Variants in TNR observed in about 807,000 individuals in gnomAD.
TNR encodes the protein tenascin R, also known as tenascin-R.
Under a neutral mutation model 150.4 loss-of-function variants are expected in TNR, and 45 were observed. The observed-to-expected ratio is 0.30, with a 90% CI of 0.24 to 0.38. The LOEUF is 0.38. Ranked by LOEUF, TNR falls within the 10% of genes least tolerant of loss-of-function variation. The pLI is 1.00. For synonymous variants in TNR, 687 were observed against 678.4 expected, an observed-to-expected ratio of 1.01 and a Z score of -0.20; for missense variants, 1,544 against 1,759.1, an observed-to-expected ratio of 0.88 and a Z score of 2.19.
At chr1:175,444,255 C>A (rs537929695) in intron 2 of TNR, among the ~76,000 whole-genome samples, 1 of 152,260 alleles carries the variant, frequency 6.6e-6, no homozygotes, top group African/African-American at 2.4e-5. Context: ...GGGACCCCTG[C>A]AAGATGAGGA....
At chr1:175,353,851 AT>A (rs55981326) in intron 18 of TNR, among the ~76,000 whole-genome samples, 23 of 146,108 alleles carry the variant, frequency 1.6e-4, no homozygotes, top group African/African-American at 3.1e-4. Context: ...ATTTTTATTT[AT>A]TTTTTTTTTT....
chr1:175,646,031 G>C (rs1290401653), intron 1 of TNR, among the ~76,000 whole-genome samples: 5 of 152,194 alleles, frequency 3.3e-5, no homozygotes, highest in Admixed American at 2.6e-4. Flanking sequence ...TAATGCTCAG[G>C]TGCCAAGGCA....
chr1:175,654,299 T>C (rs1424407421), intron 1 of TNR, among the ~76,000 whole-genome samples: 1 of 152,168 alleles, frequency 6.6e-6, no homozygotes, highest in Non-Finnish European at 1.5e-5. Context: ...ATCCTAGGTG[T>C]TTGGAAGGCA....
chr1:175,476,157 G>C (rs1657537624), intron 2 of TNR, among the ~76,000 whole-genome samples: 1 of 152,170 alleles, frequency 6.6e-6, no homozygotes, highest in Non-Finnish European at 1.5e-5. Flanking sequence ...TTGAGAATAA[G>C]AGGTGAGAGT....
At chr1:175,729,866 T>A (rs1237076517) in intron 1 of TNR, among the ~76,000 whole-genome samples, 1 of 152,166 alleles carries the variant, frequency 6.6e-6, no homozygotes, top group Non-Finnish European at 1.5e-5. Context: ...AGTCCCTCCA[T>A]CACTCTCGGA....
chr1:175,387,849 G>A (rs2102032326), intron 7 of TNR, among the ~76,000 whole-genome samples: 1 of 152,246 alleles, frequency 6.6e-6, no homozygotes, highest in South Asian at 2.1e-4. Context: ...CTTTCCCTGG[G>A]TACCCCTCCC....
At chr1:175,641,687 T>G (rs1664665921) in intron 1 of TNR, among the ~76,000 whole-genome samples, 1 of 152,202 alleles carries the variant, frequency 6.6e-6, no homozygotes, top group East Asian at 1.9e-4. Context: ...AAAAGTACTT[T>G]TCACTAATAT....
intron 18 of TNR, among the ~76,000 whole-genome samples, chr1:175,349,981 T>C (rs536306986): frequency 1.3e-3 from 197 of 152,348 alleles, no homozygotes; most frequent in African/African-American, 4.6e-3. Flanking sequence ...TTGTGGCATA[T>C]CTGAGGATAG....
chr1:175,719,153 T>A (rs1667233652), intron 1 of TNR, among the ~76,000 whole-genome samples: 1 of 152,130 alleles, frequency 6.6e-6, no homozygotes, highest in South Asian at 2.1e-4. Context: ...TACAGAAGCA[T>A]GGGTGAGAAA....
At chr1:175,577,917 T>C (rs558558605) in intron 1 of TNR, among the ~76,000 whole-genome samples, 18 of 152,216 alleles carry the variant, frequency 1.2e-4, no homozygotes, top group Non-Finnish European at 2.1e-4. Context: ...GTCAATATCC[T>C]ACATATTAAC....
At chr1:175,597,860 A>G (rs1203743887) in intron 1 of TNR, among the ~76,000 whole-genome samples, 2 of 152,198 alleles carry the variant, frequency 1.3e-5, no homozygotes, top group Admixed American at 6.5e-5. Context: ...CTGCAGTAAC[A>G]TTATTCCTCT....
intron 1 of TNR, among the ~76,000 whole-genome samples, chr1:175,568,863 T>C (rs1661751398): frequency 6.6e-6 from 1 of 152,176 alleles, no homozygotes; most frequent in South Asian, 2.1e-4. Context: ...CAGTGCAGAC[T>C]GCATTGAAAA....
chr1:175,592,272 T>C (rs1662830163), intron 1 of TNR, among the ~76,000 whole-genome samples: 1 of 152,234 alleles, frequency 6.6e-6, no homozygotes, highest in Non-Finnish European at 1.5e-5. Flanking sequence ...TCACGTTTAT[T>C]ACAACTCTCT....
chr1:175,605,717 T>G (rs1026579385), intron 1 of TNR, among the ~76,000 whole-genome samples: 7 of 152,178 alleles, frequency 4.6e-5, no homozygotes, highest in African/African-American at 1.7e-4. Flanking sequence ...AAAGATTATC[T>G]GGCCAATTGA....
chr1:175,503,396 T>C (rs750102903), intron 2 of TNR, among the ~76,000 whole-genome samples: 9 of 152,214 alleles, frequency 5.9e-5, no homozygotes, highest in African/African-American at 1.4e-4. Context: ...TGTTATATTA[T>C]CATATATTAT....
intron 18 of TNR, among the ~76,000 whole-genome samples, chr1:175,341,060 T>C (rs1478627477): frequency 6.6e-6 from 1 of 152,240 alleles, no homozygotes; most frequent in East Asian, 1.9e-4. Flanking sequence ...TATTGGACTT[T>C]GCTTAGCTAA....
chr1:175,528,451 C>T lies in TNR; in HGVS notation c.-164-82G>A, dbSNP rs1480462681. 4 of 152,162 alleles carry T rather than the reference C, an allele frequency of 2.6e-5. No homozygotes were observed. The East Asian group carries it at 7.7e-4, about 29-fold the overall frequency. 9.4% of individuals were successfully genotyped at this position (152,162 alleles called of 1,614,324 possible). On this transcript the variant is annotated intron_variant, in intron 1 of 22. Coordinates refer to ENST00000367674, the MANE Select transcript of TNR (RefSeq NM_003285.3). The stretch of plus-strand genomic sequence containing the variant: ...CTGGTTTCCCTTTCTATTCTAAGTA[C>T]CACATCGCCTTTAAAATAAATTTGT...
At chr1:175,696,991 G>A (rs1666549681) in intron 1 of TNR, among the ~76,000 whole-genome samples, 1 of 151,522 alleles carries the variant, frequency 6.6e-6, no homozygotes, top group Admixed American at 6.6e-5. Context: ...GTTTGCCCTA[G>A]TTTACATTTG....
intron 2 of TNR, among the ~76,000 whole-genome samples, chr1:175,457,953 G>A (rs888483668): frequency 2.0e-5 from 3 of 152,206 alleles, no homozygotes; most frequent in Non-Finnish European, 4.4e-5. Flanking sequence ...ACTCATGTCT[G>A]TCTGAATAGA....
Sources: gnomAD v4.1 joint callset for allele counts (sites outside exome capture counted in the v4.1 genomes callset) on GRCh38, gnomAD v4.1.1 for gene constraint, MANE v1.5 for transcripts, NCBI Gene and HGNC (gene_info 2026-07-23, HGNC 2026-07-21) for gene names.